Variants in MAMDC2 observed in about 807,000 individuals in gnomAD.
MAMDC2 encodes MAM domain containing 2, also known as MAM domain-containing protein 2.
MAMDC2 carries 57 observed loss-of-function variants against 89.8 expected under a neutral mutation model. The observed-to-expected ratio is 0.63, with a 90% CI of 0.51 to 0.79. The LOEUF is 0.79. MAMDC2 is among the 30% of genes least tolerant of loss of function. The probability of loss-of-function intolerance (pLI) is 0.00; values close to 1 mark genes in which losing one functional copy is unlikely to be tolerated. For synonymous variants in MAMDC2, 313 were observed against 293.4 expected (o/e 1.07, Z -0.68); for missense variants, 800 against 820.6 (o/e 0.97, Z 0.31).
intron 7 of MAMDC2, among the ~76,000 whole-genome samples, chr9:70,135,382 T>C (rs950036399): frequency 6.6e-6 from 1 of 152,122 alleles, no homozygotes; most frequent in Non-Finnish European, 1.5e-5. Flanking sequence ...CAGACAGGCC[T>C]CTGGCCCCAT....
chr9:70,142,143 G>A (rs1692904946), intron 8 of MAMDC2, among the ~76,000 whole-genome samples: 2 of 152,294 alleles, frequency 1.3e-5, no homozygotes, highest in Admixed American at 6.5e-5. Flanking sequence ...AGAATAGAGG[G>A]AAGAATCTAA....
intron 11 of MAMDC2, among the ~76,000 whole-genome samples, chr9:70,194,767 T>C (rs1050145327): frequency 6.6e-6 from 1 of 152,168 alleles, no homozygotes; most frequent in Non-Finnish European, 1.5e-5. Context: ...TTCTGATGTT[T>C]ATCTCTGGAG....
rs1274092284 is a variant in MAMDC2, at chr9:70,108,226, T to G, written c.164T>G (p.Val55Gly). ...ILNEEGHYIYVDTSFGKQGEK... is the reference protein window; with the variant it reads ...ILNEEGHYIYGDTSFGKQGEK... ...CTCTTTCCAGGCCATTACATTTATG[T>G]GGATACCTCCTTTGGCAAGCAGGGG... Residue 55 changes from valine (V) to glycine (G), a missense_variant, in exon 3 of 14, where the codon GTG becomes GGG. Physicochemically the swap from Val to Gly is moderately radical, Grantham distance 109. Coordinates refer to ENST00000377182, the MANE Select transcript of MAMDC2 (RefSeq NM_153267.5). The G allele has an allele frequency of 6.3e-7, 1 of 1,598,706 alleles. No individual in the cohort carries two copies. The highest frequency in any genetic ancestry group is 8.5e-7 in the Non-Finnish European group (1 of 1,173,596).
intron 9 of MAMDC2, chr9:70,154,214 T>C (rs1986067): frequency 0.86 from 130,395 of 152,176 alleles, 56,105 homozygotes; most frequent in East Asian, 0.96. Flanking sequence ...TTGTTTTGTT[T>C]TTTTAATTCC....
chr9:70,223,378 A>C (rs888939100), intron 12 of MAMDC2, among the ~76,000 whole-genome samples: 2 of 152,198 alleles, frequency 1.3e-5, no homozygotes, highest in African/African-American at 2.4e-5. Context: ...TACAAATAGA[A>C]TGTATATACC....
intron 9 of MAMDC2, among the ~76,000 whole-genome samples, chr9:70,150,375 T>C (rs1010043225): frequency 2.6e-5 from 4 of 152,178 alleles, no homozygotes; most frequent in African/African-American, 9.7e-5. Context: ...TCCAAACTGA[T>C]GACAGTTTAA....
Position 70,192,996 on chromosome 9 carries a change from T to C in MAMDC2, c.1651+22365T>C, listed in dbSNP as rs1031648938. Among the ~76,000 whole-genome samples the C allele has an allele frequency of 3.3e-5, 5 of 151,982 alleles. 1 individual carries two copies. Among genetic ancestry groups the C allele is most frequent in the African/African-American group, 1.2e-4 (5 of 41,360 alleles). On this transcript the variant is annotated intron_variant, in intron 11 of 13. Transcript: ENST00000377182. The stretch of plus-strand genomic sequence containing the variant: ...ATGATGGAGGATGAGGACCCTTACA[T>C]TGAGGGTGATCAGATATTGAGGGTG...
At chr9:70,204,575 G>C (rs1287259115) in intron 11 of MAMDC2, among the ~76,000 whole-genome samples, 1 of 150,828 alleles carries the variant, frequency 6.6e-6, no homozygotes, top group Non-Finnish European at 1.5e-5. Flanking sequence ...GAGCTGTGGT[G>C]GGCTCCACCC....
At chr9:70,197,539 A>G (rs1447996077) in intron 11 of MAMDC2, among the ~76,000 whole-genome samples, 1 of 152,150 alleles carries the variant, frequency 6.6e-6, no homozygotes, top group Non-Finnish European at 1.5e-5. Context: ...AATTTGCCAA[A>G]GTGTTTCACA....
Position 70,126,225 on chromosome 9 carries a change from C to T in MAMDC2, c.710C>T (p.Pro237Leu), listed in dbSNP as rs773995918. The T allele has an allele frequency of 3.7e-6, 6 of 1,614,116 alleles. No individual in the cohort carries two copies. The highest frequency in any genetic ancestry group is 1.7e-4 in the Middle Eastern group (1 of 6,060). ...CAGGAGGTGGCACAGCTCATCTCCC[C>T]GTTGACCACGGCCCCCATGGCTGGC... ...HFQEVAQLIS[P>L]LTTAPMAGCL... Residue 237 changes from proline (P) to leucine (L), a missense_variant, in exon 6 of 14, where the codon CCG (proline) becomes CTG (leucine). Transcript: ENST00000377182.
intron 2 of MAMDC2, among the ~76,000 whole-genome samples, chr9:70,066,655 G>A (rs1169246937): frequency 6.6e-6 from 1 of 152,158 alleles, no homozygotes; most frequent in Non-Finnish European, 1.5e-5. Flanking sequence ...CAAGCCAGGG[G>A]TTGTGCCAGC....
chr9:70,122,498 T>C (rs2030330000), intron 5 of MAMDC2, among the ~76,000 whole-genome samples: 1 of 152,114 alleles, frequency 6.6e-6, no homozygotes. Flanking sequence ...TGGGACTAGG[T>C]GGGAAAGAGA....
At chr9:70,093,386 T>C (rs928016112) in intron 2 of MAMDC2, among the ~76,000 whole-genome samples, 5 of 151,958 alleles carry the variant, frequency 3.3e-5, no homozygotes, top group African/African-American at 7.3e-5. Flanking sequence ...TCTTCTGATG[T>C]CATCATCATC....
At chr9:70,044,429 G>C (rs913769497) in intron 1 of MAMDC2, among the ~76,000 whole-genome samples, 155 bp from the exon 2 acceptor site, 68 of 152,134 alleles carry the variant, frequency 4.5e-4, no homozygotes, top group Non-Finnish European at 1.2e-4. Flanking sequence ...CAGTGGAGGC[G>C]CCCGGGGATG....
At chr9:70,066,455 T>C (rs1259215221) in intron 2 of MAMDC2, among the ~76,000 whole-genome samples, 1 of 152,126 alleles carries the variant, frequency 6.6e-6, no homozygotes, top group African/African-American at 2.4e-5. Flanking sequence ...GTCACGTCTC[T>C]TTTCCTTTTA....
intron 11 of MAMDC2, among the ~76,000 whole-genome samples, chr9:70,200,176 C>T (rs1423372653): frequency 3.3e-5 from 5 of 152,070 alleles, no homozygotes; most frequent in Admixed American, 6.6e-5. Context: ...AGGGTTTTTA[C>T]GGTTTTAGGT....
chr9:70,119,917 A>G (rs1396651047), intron 5 of MAMDC2, among the ~76,000 whole-genome samples: 1 of 152,192 alleles, frequency 6.6e-6, no homozygotes, highest in Non-Finnish European at 1.5e-5. Flanking sequence ...AAATTCTGGC[A>G]TTCCTGTCAT....
At chr9:70,208,518 T>G (rs7023586) in intron 11 of MAMDC2, among the ~76,000 whole-genome samples, 17,236 of 152,240 alleles carry the variant, frequency 0.11, 1,061 homozygotes, top group African/African-American at 0.15. Context: ...GCTTATCAGC[T>G]TAAGGATATT....
chr9:70,162,850 C>T (rs1176936994), intron 9 of MAMDC2, among the ~76,000 whole-genome samples: 1 of 148,346 alleles, frequency 6.7e-6, no homozygotes, highest in African/African-American at 2.5e-5. Flanking sequence ...ACCCCTTGGA[C>T]TAACACAACC....
Sources: allele counts gnomAD v4.1 joint callset (sites outside exome capture counted in the v4.1 genomes callset), GRCh38; gene constraint gnomAD v4.1.1; transcripts MANE v1.5; gene names NCBI Gene and HGNC (gene_info 2026-07-23, HGNC 2026-07-21).